The following JAG2 variants were observed in gnomAD, a reference collection of about 807,000 sequenced individuals.
JAG2 encodes the protein jagged canonical Notch ligand 2, also known as protein jagged-2.
JAG2 carries 46 observed loss-of-function variants against 141.7 expected under a neutral mutation model. That is an observed-to-expected ratio of 0.32 (90% CI 0.26 to 0.42). The LOEUF is 0.42. Ranked by LOEUF, JAG2 falls within the 10% of genes least tolerant of loss-of-function variation. The probability of loss-of-function intolerance (pLI) is 1.00; values close to 1 mark genes in which losing one functional copy is unlikely to be tolerated. For synonymous variants in JAG2, 862 were observed against 763.5 expected, an observed-to-expected ratio of 1.13 and a Z score of -2.13; for missense variants, 1,500 against 1,817.5, an observed-to-expected ratio of 0.83 and a Z score of 3.18.
intron 24 of JAG2, among the ~76,000 whole-genome samples, chr14:105,144,707 G>T (rs1011885131): frequency 3.3e-5 from 5 of 152,210 alleles, no homozygotes; most frequent in Admixed American, 6.5e-5. Context: ...CAGGGGAAGC[G>T]GGCTCCACAC....
intron 2 of JAG2, 167 bp from the exon 3 acceptor site, chr14:105,157,930 T>C (rs1888627364): frequency 1.4e-6 from 1 of 695,594 alleles, no homozygotes; most frequent in Non-Finnish European, 2.6e-6. Context: ...CCACATCCTC[T>C]GCAGACCCAA....
At position 105,150,995 on chromosome 14, in the gene JAG2, A is replaced by G. The variant is rs763780913; in HGVS notation, c.1377T>C (p.His459=). 9 of 1,612,060 alleles carry G rather than the reference A, an allele frequency of 5.6e-6. 1 individual carries two copies. The highest frequency in any genetic ancestry group is 5.0e-5 in the Admixed American group (3 of 59,916). The change falls in exon 10 of 26, where the codon CAT becomes CAC. Residue 459 remains histidine (H), a synonymous_variant. Transcript: ENST00000331782. ...GCGCCCACCCCCCATACTGACTGAT[A>G]TGGCAGTTGATGCCCTTCCAGCCCG... ...CIPGWKGINC[H]INVNDCRGQC...
intron 24 of JAG2, among the ~76,000 whole-genome samples, chr14:105,143,949 C>T (rs1034248192): frequency 8.2e-6 from 1 of 121,440 alleles, no homozygotes; most frequent in African/African-American, 3.2e-5. Flanking sequence ...TCCGGGCGCA[C>T]GGGACAGCCC....
intron 2 of JAG2, among the ~76,000 whole-genome samples, chr14:105,162,043 T>C (rs1392240519): frequency 6.6e-6 from 1 of 152,014 alleles, no homozygotes; most frequent in African/African-American, 2.4e-5. Flanking sequence ...GGCTGGGACA[T>C]GTGGGGATGT....
At chr14:105,166,257 C>G (rs1472595008) in intron 2 of JAG2, among the ~76,000 whole-genome samples, 1 of 152,260 alleles carries the variant, frequency 6.6e-6, no homozygotes, top group Non-Finnish European at 1.5e-5. Context: ...CGCGATAGCC[C>G]GCCACATTCC....
chr14:105,143,147 C>T lies in JAG2; in HGVS notation c.3265G>A (p.Gly1089Ser), dbSNP rs587682736. ...STGLLVPVLC[G>S]AFSVLWLACV... ...GCCAGCCACAGCACGCTGAAGGCAC[C>T]ACACAGCACAGGCACCAGCAGACCT... The change falls in exon 26 of 26, where the codon GGT (glycine) becomes AGT (serine). Residue 1089 changes from glycine to serine, a missense_variant. Gly to Ser is a moderately conservative substitution (Grantham distance 56). This residue lies in a region of JAG2 where 425 missense variants were observed against 441.0 expected (regional missense o/e 0.96). Coordinates refer to ENST00000331782, the MANE Select transcript of JAG2 (RefSeq NM_002226.5). 7 of 1,598,592 alleles carry T rather than the reference C, an allele frequency of 4.4e-6. No homozygotes were observed. In the South Asian group the frequency reaches 7.7e-5, roughly 18 times the overall value.
At chr14:105,143,421 T>C in intron 25 of JAG2, 61 bp downstream of exon 25, 2 of 1,523,000 alleles carry the variant, frequency 1.3e-6, no homozygotes, top group South Asian at 1.2e-5. Context: ...CGGCCGGCTC[T>C]GTGCCCAATG....
chr14:105,143,807 C>A (rs892522494), intron 24 of JAG2, among the ~76,000 whole-genome samples, 169 bp from the exon 25 acceptor site: 1 of 142,758 alleles, frequency 7.0e-6, no homozygotes, highest in African/African-American at 2.7e-5. Flanking sequence ...TGGGGAGTAG[C>A]GGGGGGAGGA....
intron 3 of JAG2, 149 bp downstream of exon 3, chr14:105,157,557 G>A: frequency 2.5e-6 from 2 of 797,588 alleles, no homozygotes; most frequent in Non-Finnish European, 4.2e-6. Context: ...ACGTGGCAGA[G>A]CTTCCTGGCA....
At chr14:105,160,939 G>A (rs887311482) in intron 2 of JAG2, among the ~76,000 whole-genome samples, 7 of 152,148 alleles carry the variant, frequency 4.6e-5, no homozygotes, top group Non-Finnish European at 1.5e-5. Flanking sequence ...ATGAGGAAGT[G>A]AAGGAGCTGC....
chr14:105,144,137 G>A (rs1407621255), intron 24 of JAG2, among the ~76,000 whole-genome samples: 1 of 152,048 alleles, frequency 6.6e-6, no homozygotes, highest in Non-Finnish European at 1.5e-5. Flanking sequence ...GCTCCGTGAT[G>A]GCCATCCCTT....
chr14:105,163,633 A>C, intron 2 of JAG2, among the ~76,000 whole-genome samples: 1 of 136,888 alleles, frequency 7.3e-6, no homozygotes, highest in East Asian at 2.1e-4. Flanking sequence ...GGTCTTGAGG[A>C]CAGGGACTCC....
chr14:105,168,320 T>C, intron 1 of JAG2, 35 bp downstream of exon 1: 3 of 621,182 alleles, frequency 4.8e-6, no homozygotes, highest in Non-Finnish European at 4.1e-6. Flanking sequence ...GTGTGCCCCG[T>C]CCGCGACCCC....
intron 20 of JAG2, 129 bp from the exon 21 acceptor site, chr14:105,146,853 C>T: frequency 2.5e-6 from 2 of 787,010 alleles, no homozygotes; most frequent in Non-Finnish European, 4.3e-6. Context: ...GCAGCCCCTG[C>T]CCCCGAGCCC....
chr14:105,143,757 C>G, intron 24 of JAG2, 119 bp from the exon 25 acceptor site: 1 of 1,271,980 alleles, frequency 7.9e-7, no homozygotes. Context: ...AGACGAGAGC[C>G]CGGGGTCCTG....
rs754709264 is a variant in JAG2 at position 105,146,470 on chromosome 14, C to T, written c.2624G>A (p.Arg875Gln). 29 of 1,612,654 alleles carry T rather than the reference C, an allele frequency of 1.8e-5. No homozygotes were observed. The highest frequency in any genetic ancestry group is 1.7e-4 in the Admixed American group (10 of 60,012). The change falls in exon 22 of 26, where the codon CGG (arginine) becomes CAG (glutamine). Residue 875 changes from arginine to glutamine, a missense_variant. Physicochemically the swap from Arg to Gln is conservative, Grantham distance 43. Transcript: ENST00000331782. ...VIGFGRSCWS[R>Q]GTPFPHGSSW... ...GCTTCCGTGTGGGAACGGAGTGCCC[C>T]GGGACCAGCAGGATCTCCCGAACCC...
intron 23 of JAG2, 23 bp from the exon 24 acceptor site, chr14:105,145,084 TGGGCA>T (rs754382541): frequency 7.5e-6 from 12 of 1,608,614 alleles, no homozygotes; most frequent in Middle Eastern, 1.8e-4. Flanking sequence ...AGGCAGTGCG[TGGGCA>T]GGGCAGGGCC....
At chr14:105,161,230 G>A (rs1273390719) in intron 2 of JAG2, among the ~76,000 whole-genome samples, 1 of 151,110 alleles carries the variant, frequency 6.6e-6, no homozygotes, top group Non-Finnish European at 1.5e-5. Flanking sequence ...GTTGTTGGGG[G>A]TCTGAGTGAG....
In JAG2 at chr14:105,148,876, G is replaced by A; in HGVS notation, c.1907-18C>T. On this transcript the variant is annotated intron_variant, in intron 14 of 25. Transcript: ENST00000331782. ...GTCAATGTCTGCAGAGGCGAGCGGG[G>A]TGAGCCAGGGCCTCAGGCCAGCCCA... 1.3e-6 allele frequency: 2 copies of A among 1,588,234 alleles called. No individual in the cohort carries two copies. Among genetic ancestry groups the A allele is most frequent in the Non-Finnish European group, 1.7e-6 (2 of 1,168,244 alleles).
Sources: allele counts gnomAD v4.1 joint callset (sites outside exome capture counted in the v4.1 genomes callset), GRCh38; gene constraint gnomAD v4.1.1; regional missense constraint gnomAD v4.1.1; transcripts MANE v1.5; gene names NCBI Gene and HGNC (gene_info 2026-07-23, HGNC 2026-07-21).